AJAP1: variants seen among roughly 807,000 people sequenced by gnomAD.
The protein encoded by AJAP1 is adherens junctions associated protein 1, also known as adherens junction-associated protein 1.
A neutral mutation model predicts 35.0 loss-of-function variants in AJAP1; 5 were observed. The ratio of observed to expected loss-of-function variants is 0.14; its 90% CI spans 0.07 to 0.30. The LOEUF (loss-of-function observed/expected upper bound fraction) is 0.30. AJAP1 is among the 10% of genes least tolerant of loss of function. AJAP1 has a pLI of 1.00. For missense variants in AJAP1, 586 were observed against 571.0 expected (o/e 1.03, Z -0.27); for synonymous variants, 284 against 249.3 (o/e 1.14, Z -1.31).
chr1:4,767,981 T>A (rs1217816711), intron 2 of AJAP1, among the ~76,000 whole-genome samples: 1 of 152,208 alleles, frequency 6.6e-6, no homozygotes, highest in Non-Finnish European at 1.5e-5. Flanking sequence ...TTACCAGAGC[T>A]GGTAGACACT....
At chr1:4,765,105 A>C (rs1641651140) in intron 2 of AJAP1, among the ~76,000 whole-genome samples, 3 of 152,240 alleles carry the variant, frequency 2.0e-5, no homozygotes, top group Admixed American at 1.3e-4. Context: ...TAACAGAAGC[A>C]GAAAAAGCCC....
chr1:4,660,012 C>T (rs539252761), intron 1 of AJAP1, among the ~76,000 whole-genome samples: 2 of 152,366 alleles, frequency 1.3e-5, no homozygotes, highest in African/African-American at 2.4e-5. Flanking sequence ...AAAGCTGCCC[C>T]GAGCTGCTAC....
intron 2 of AJAP1, among the ~76,000 whole-genome samples, chr1:4,735,567 A>G (rs1295213397): frequency 6.6e-6 from 1 of 152,206 alleles, no homozygotes; most frequent in Non-Finnish European, 1.5e-5. Context: ...AAGACAGCCC[A>G]CTGAATAGCC....
chr1:4,779,728 G>A (rs913902267), intron 5 of AJAP1, among the ~76,000 whole-genome samples: 11 of 152,106 alleles, frequency 7.2e-5, no homozygotes, highest in African/African-American at 2.4e-4. Flanking sequence ...GCTTACAACC[G>A]GTGACAGTCC....
At chr1:4,758,298 C>T (rs1419682195) in intron 2 of AJAP1, among the ~76,000 whole-genome samples, 2 of 152,142 alleles carry the variant, frequency 1.3e-5, no homozygotes, top group African/African-American at 4.8e-5. Flanking sequence ...GAGAAAGAAG[C>T]ATCAGGGGCT....
intron 5 of AJAP1, among the ~76,000 whole-genome samples, chr1:4,775,522 C>A (rs1284858612): frequency 6.6e-6 from 1 of 152,162 alleles, no homozygotes; most frequent in Non-Finnish European, 1.5e-5. Context: ...ACAAAGTCCT[C>A]AGGGGCCCGC....
intron 2 of AJAP1, among the ~76,000 whole-genome samples, chr1:4,733,235 C>T (rs1470875076): frequency 1.3e-5 from 2 of 151,894 alleles, no homozygotes; most frequent in African/African-American, 2.4e-5. Context: ...AATGCAATGC[C>T]GCCTTCAGAT....
chr1:4,744,201 G>T lies in AJAP1; in HGVS notation c.830-25652G>T, dbSNP rs866152057. Among the ~76,000 whole-genome samples, 11 of 152,318 alleles carry T rather than the reference G, an allele frequency of 7.2e-5. No homozygotes were observed. In the South Asian group the frequency reaches 1.5e-3, roughly 20 times the overall value. ...GTGGGTTGACCCAGAAGGAGCCTTG[G>T]CCACCACATGTTGATGGCAGGCGTG... On this transcript the variant is annotated intron_variant, in intron 2 of 5. Coordinates refer to ENST00000378191, the MANE Select transcript of AJAP1 (RefSeq NM_018836.4).
chr1:4,666,805 GCGGAGAGGGGCCCA>G (rs1377606865), intron 1 of AJAP1, among the ~76,000 whole-genome samples: 1 of 148,830 alleles, frequency 6.7e-6, no homozygotes, highest in African/African-American at 2.5e-5. Flanking sequence ...CGGAAGGGTT[GCGGAGAGGGGCCCA>G]TGAATCACGG....
At position 4,656,362 on chromosome 1, in the gene AJAP1, G is replaced by A. The variant is rs559491085; in HGVS notation, c.29+908G>A. ...CCTCTGAGCCCTCGCCCTCCTGCCG[G>A]GGCATTCACCGAGCTCGTGCATTTG... On this transcript the variant is annotated intron_variant, in intron 1 of 5. Coordinates refer to ENST00000378191, the MANE Select transcript of AJAP1 (RefSeq NM_018836.4). This position sits in a 1 kb window ranked among gnomAD's most constrained non-coding sequence, Gnocchi z 5.7. Among the ~76,000 whole-genome samples the A allele has an allele frequency of 4.6e-5, 7 of 152,322 alleles. No individual in the cohort carries two copies. The South Asian group carries it at 8.3e-4, about 18-fold the overall frequency.
At chr1:4,757,194 C>T (rs1249886584) in intron 2 of AJAP1, among the ~76,000 whole-genome samples, 1 of 152,214 alleles carries the variant, frequency 6.6e-6, no homozygotes, top group Non-Finnish European at 1.5e-5. Context: ...CTTTCCTTTG[C>T]CTTCAGCACA....
intron 2 of AJAP1, among the ~76,000 whole-genome samples, chr1:4,749,626 T>C (rs190874783): frequency 2.1e-4 from 32 of 152,270 alleles, no homozygotes; most frequent in Admixed American, 3.9e-4. Context: ...ACCAGTGTAT[T>C]TGGTGCATCT....
intron 5 of AJAP1, chr1:4,777,810 C>T (rs956679067): frequency 2.0e-5 from 3 of 152,214 alleles, no homozygotes; most frequent in African/African-American, 7.2e-5. Context: ...TGCCTTCCCA[C>T]TTTGTTCTTC....
At position 4,692,300 on chromosome 1, in the gene AJAP1, C is replaced by T. The variant is rs553631954; in HGVS notation, c.30-19600C>T. On this transcript the variant is annotated intron_variant, in intron 1 of 5. Coordinates refer to ENST00000378191, the MANE Select transcript of AJAP1 (RefSeq NM_018836.4). The surrounding 1 kb of genome is among the most constrained non-coding windows in gnomAD (Gnocchi z 4.4). Reference sequence around the variant, plus strand: ...GCTTCTCGGGCTCCTCACCCCGCGCCCTGGGCTGCTCTCCTCTCTCCGTCT... The same window carrying T: ...GCTTCTCGGGCTCCTCACCCCGCGCTCTGGGCTGCTCTCCTCTCTCCGTCT... Among the ~76,000 whole-genome samples the T allele has an allele frequency of 6.6e-6, 1 of 152,286 alleles. No homozygotes were observed. Among genetic ancestry groups the T allele is most frequent in the Non-Finnish European group, 1.5e-5 (1 of 68,018 alleles).
At chr1:4,695,743 T>G (rs1639844665) in intron 1 of AJAP1, among the ~76,000 whole-genome samples, 1 of 152,186 alleles carries the variant, frequency 6.6e-6, no homozygotes, top group Admixed American at 6.5e-5. Context: ...TCTCTTCTTT[T>G]AAGTCCCTAT....
intron 3 of AJAP1, 58 bp downstream of exon 3, chr1:4,769,998 G>A: frequency 6.9e-7 from 1 of 1,445,542 alleles, no homozygotes; most frequent in East Asian, 2.3e-5. Context: ...GTCCCTGGGT[G>A]GTGAATACAG....
chr1:4,718,780 C>T (rs1640453042), intron 2 of AJAP1, among the ~76,000 whole-genome samples: 2 of 152,190 alleles, frequency 1.3e-5, no homozygotes, highest in African/African-American at 4.8e-5. Flanking sequence ...CACGCCCGGC[C>T]TCCTAAGGCA....
In AJAP1 at chr1:4,704,332, A is replaced by G. The variant is rs1259420511; in HGVS notation, c.30-7568A>G. Among the ~76,000 whole-genome samples the G allele has an allele frequency of 3.6e-5, 4 of 111,780 alleles. No homozygotes were observed. The East Asian group carries it at 1.2e-3, about 33-fold the overall frequency. 73.3% of individuals were successfully genotyped at this position (111,780 alleles called of 152,430 possible). On this transcript the variant is annotated intron_variant, in intron 1 of 5. Transcript: ENST00000378191. ...CTCCCCCCACCCCACAACGGTGCCC[A>G]GAGTGTGATGTTCCCCTTCCTGTGT...
Position 4,723,645 on chromosome 1 carries a change from G to A in AJAP1, c.829+10946G>A, listed in dbSNP as rs1378654155. ...GAGAGTCCTGCGAGGGCGATGGAAG[G>A]GAGACGGGAGGTGAGCCGCAGATGC... On this transcript the variant is annotated intron_variant, in intron 2 of 5. Transcript: ENST00000378191. This position sits in a 1 kb window ranked among gnomAD's most constrained non-coding sequence, Gnocchi z 4.3. 6.6e-6 allele frequency among the ~76,000 whole-genome samples: 1 copy of A among 152,182 alleles called. No homozygotes were observed. Among genetic ancestry groups the A allele is most frequent in the Non-Finnish European group, 1.5e-5 (1 of 68,032 alleles).
Sources: gnomAD v4.1 joint callset for allele counts (sites outside exome capture counted in the v4.1 genomes callset) on GRCh38, gnomAD v4.1.1 for gene constraint, Gnocchi (gnomAD v3.1) non-coding constraint, MANE v1.5 for transcripts, NCBI Gene and HGNC (gene_info 2026-07-23, HGNC 2026-07-21) for gene names.